FGR: variants seen among roughly 807,000 people sequenced by gnomAD.
FGR encodes tyrosine-protein kinase Fgr.
FGR carries 26 observed loss-of-function variants against 63.2 expected under a neutral mutation model. The ratio of observed to expected loss-of-function variants is 0.41; its 90% confidence interval spans 0.30 to 0.57. The LOEUF is 0.57. FGR is among the 20% of genes least tolerant of loss of function. The pLI, the probability that FGR is intolerant of heterozygous loss-of-function variation, is 0.27. For synonymous variants in FGR, 286 were observed against 277.7 expected, an observed-to-expected ratio of 1.03 and a Z score of -0.30; for missense variants, 511 against 690.8, an observed-to-expected ratio of 0.74 and a Z score of 2.92.
At chr1:27,624,053 G>A in intron 2 of FGR, 124 bp from the exon 3 acceptor site, 1 of 781,146 alleles carries the variant, frequency 1.3e-6, no homozygotes, top group Non-Finnish European at 2.0e-6. Context: ...GCCTAGATTG[G>A]GGTCCTCCCT....
chr1:27,619,200 A>AT (rs1249822452), intron 5 of FGR, among the ~76,000 whole-genome samples: 1 of 151,622 alleles, frequency 6.6e-6, no homozygotes, highest in East Asian at 1.9e-4. Context: ...TAATTAATTA[A>AT]TTTTTTTTGA....
intron 1 of FGR, among the ~76,000 whole-genome samples, chr1:27,634,145 G>C (rs889869099): frequency 6.6e-6 from 1 of 151,346 alleles, no homozygotes; most frequent in African/African-American, 2.4e-5. Context: ...AGAGCAAAGG[G>C]GGCTGCGCCC....
At chr1:27,628,540 C>A (rs1271813243) in intron 1 of FGR, among the ~76,000 whole-genome samples, 2 of 150,420 alleles carry the variant, frequency 1.3e-5, no homozygotes, top group Non-Finnish European at 3.0e-5. Flanking sequence ...CACACACACA[C>A]ACACACACAC....
rs888167137 is a variant in FGR at position 27,617,604 on chromosome 1, C to T, written c.429-308G>A. 2.0e-5 allele frequency among the ~76,000 whole-genome samples: 3 copies of T among 152,176 alleles called. No homozygotes were observed. The highest frequency in any genetic ancestry group is 4.8e-5 in the African/African-American group (2 of 41,424). The stretch of plus-strand genomic sequence containing the variant: ...TCTCACTGTAGCCCTTCTGTGCACT[C>T]ATTTTACAGATGAGGAAGTTGAGGC... On this transcript the variant is annotated intron_variant, in intron 5 of 12. Coordinates refer to ENST00000374005, the MANE Select transcript of FGR (RefSeq NM_005248.3). This position sits in a 1 kb window ranked among gnomAD's most constrained non-coding sequence, Gnocchi z 4.5.
intron 1 of FGR, among the ~76,000 whole-genome samples, chr1:27,628,171 C>CAAA (rs1371903594): frequency 1.2e-5 from 1 of 86,394 alleles, no homozygotes; most frequent in Non-Finnish European, 2.5e-5. Context: ...AGCTCTGTCT[C>CAAA]AAAAAAAAAA....
intron 10 of FGR, 67 bp from the exon 11 acceptor site, chr1:27,614,650 G>A (rs552165008): frequency 5.7e-6 from 9 of 1,567,210 alleles, no homozygotes; most frequent in South Asian, 4.6e-5. Flanking sequence ...CTGTTTGAGG[G>A]GTGAGGGACC....
At chr1:27,623,226 G>T in intron 3 of FGR, 82 bp from the exon 4 acceptor site, 1 of 988,258 alleles carries the variant, frequency 1.0e-6, no homozygotes, top group Middle Eastern at 2.3e-4. Flanking sequence ...CTGTTCCCCA[G>T]CCAGGTGCTG....
chr1:27,614,312 C>T (rs2089755750), intron 11 of FGR, 118 bp downstream of exon 11: 1 of 1,188,878 alleles, frequency 8.4e-7, no homozygotes, highest in South Asian at 1.5e-5. Context: ...TCTCATACTA[C>T]ATCAGGATGG....
Position 27,623,911 on chromosome 1 carries a change from GC to G in FGR, c.5del (p.Gly2AlafsTer78). ...GCTCCAATTTCTTGCAGAACACACAGCCCATTCCAGGTTCCCTGCTACAGAA... is the reference window on the plus strand; with the variant it reads ...GCTCCAATTTCTTGCAGAACACACAGCCATTCCAGGTTCCCTGCTACAGAA... M[G>X]CVFCKKLEPV... On this transcript the variant is annotated frameshift_variant, in exon 3 of 13. Coordinates refer to ENST00000374005, the MANE Select transcript of FGR (RefSeq NM_005248.3). LOFTEE classifies it high-confidence loss of function. The G allele has an allele frequency of 6.3e-7, 1 of 1,590,094 alleles. No homozygotes were observed. Among genetic ancestry groups the G allele is most frequent in the Non-Finnish European group, 8.6e-7 (1 of 1,166,024 alleles).
intron 1 of FGR, among the ~76,000 whole-genome samples, chr1:27,628,368 T>A (rs537417819): frequency 4.6e-5 from 7 of 151,936 alleles, no homozygotes; most frequent in Non-Finnish European, 1.0e-4. Context: ...GCCACAGACA[T>A]GATGTATCCT....
intron 4 of FGR, among the ~76,000 whole-genome samples, chr1:27,622,099 G>A (rs893271471): frequency 2.0e-5 from 3 of 152,062 alleles, no homozygotes; most frequent in Non-Finnish European, 4.4e-5. Context: ...ATCTCCTGAG[G>A]TCAGGAGTTC....
rs985844452 is a variant in FGR, at chr1:27,616,181, G to C, written c.683-337C>G. Among the ~76,000 whole-genome samples the C allele has an allele frequency of 5.3e-5, 8 of 152,188 alleles. No individual in the cohort carries two copies. The highest frequency in any genetic ancestry group is 7.4e-5 in the Non-Finnish European group (5 of 68,026). ...GGGTTGGGATTCCAGGCAAAGGTGT[G>C]GACATGAGGCCCACGGTCTTCCGTG... is the stretch of plus-strand genomic sequence containing the variant. On this transcript the variant is annotated intron_variant, in intron 7 of 12. Transcript: ENST00000374005. The surrounding 1 kb of genome is among the most constrained non-coding windows in gnomAD (Gnocchi z 4.3).
intron 1 of FGR, among the ~76,000 whole-genome samples, chr1:27,630,345 A>T (rs555837640): frequency 6.6e-6 from 1 of 151,858 alleles, no homozygotes; most frequent in African/African-American, 2.4e-5. Context: ...GAGCCACTGC[A>T]CCCGGCCTTT....
chr1:27,614,299 G>T, intron 11 of FGR, 131 bp downstream of exon 11: 1 of 1,051,228 alleles, frequency 9.5e-7, no homozygotes, highest in Non-Finnish European at 1.3e-6. Flanking sequence ...GCCCAGAATT[G>T]CCTCTCATAC....
chr1:27,629,913 C>T (rs2090080475), intron 1 of FGR, among the ~76,000 whole-genome samples: 1 of 152,166 alleles, frequency 6.6e-6, no homozygotes, highest in Admixed American at 6.5e-5. Flanking sequence ...CCACTGTAAC[C>T]ACTAGTCCAT....
rs1041498588 is a variant in FGR, at chr1:27,615,300, T to C, written c.1018+134A>G. 2 of 1,088,574 alleles carry C rather than the reference T, an allele frequency of 1.8e-6. No homozygotes were observed. Among genetic ancestry groups the C allele is most frequent in the African/African-American group, 3.1e-5 (2 of 63,756 alleles). The allele number at this position is 1,088,574 out of a possible 1,614,324, so 67.4% of individuals were successfully genotyped here. A position where few individuals can be genotyped will look rare whatever the true frequency, so the allele number is the denominator to read the frequency against. ...TCCCACCTCAGCCCTCCAGTCGTTT[T>C]ACACACCTGGTCCCTTAGTGGGACT... On this transcript the variant is annotated intron_variant, in intron 9 of 12. Coordinates refer to ENST00000374005, the MANE Select transcript of FGR (RefSeq NM_005248.3). This position sits in a 1 kb window ranked among gnomAD's most constrained non-coding sequence, Gnocchi z 7.6.
At chr1:27,624,822 A>T (rs1445788423) in intron 2 of FGR, among the ~76,000 whole-genome samples, 2 of 151,382 alleles carry the variant, frequency 1.3e-5, no homozygotes, top group Non-Finnish European at 2.9e-5. Flanking sequence ...CTCTGCATGT[A>T]TGTCTATATA....
intron 1 of FGR, among the ~76,000 whole-genome samples, chr1:27,629,230 G>GAAAA (rs1190769243): frequency 6.6e-6 from 1 of 152,014 alleles, no homozygotes; most frequent in African/African-American, 2.4e-5. Flanking sequence ...GAAAAGAAAA[G>GAAAA]AAAAAGCCCT....
At chr1:27,626,969 C>G (rs973698754) in intron 1 of FGR, among the ~76,000 whole-genome samples, 5 of 152,010 alleles carry the variant, frequency 3.3e-5, no homozygotes, top group African/African-American at 1.2e-4. Flanking sequence ...GAGCTTGAGA[C>G]CAGCCTGAGC....
Sources: gnomAD v4.1 joint callset for allele counts (sites outside exome capture counted in the v4.1 genomes callset) on GRCh38, gnomAD v4.1.1 for gene constraint, Gnocchi (gnomAD v3.1) non-coding constraint, MANE v1.5 for transcripts, NCBI Gene and HGNC (gene_info 2026-07-23, HGNC 2026-07-21) for gene names.